AGBL1: variants seen among roughly 807,000 people sequenced by gnomAD.
AGBL1 encodes cytosolic carboxypeptidase 4.
Under a neutral mutation model 118.9 loss-of-function variants are expected in AGBL1, and 130 were observed. That is an observed-to-expected ratio of 1.09 (90% CI 0.95 to 1.26). The LOEUF (loss-of-function observed/expected upper bound fraction) is 1.26. Ranked by LOEUF, AGBL1 falls within the 50% of genes most tolerant of loss-of-function variation. AGBL1 has a pLI of 0.00. For synonymous variants in AGBL1, 555 were observed against 478.9 expected, an observed-to-expected ratio of 1.16 and a Z score of -2.08; for missense variants, 1,584 against 1,298.1, an observed-to-expected ratio of 1.22 and a Z score of -3.38.
chr15:86,212,960 T>C (rs1437283583), intron 5 of AGBL1, among the ~76,000 whole-genome samples: 1 of 152,214 alleles, frequency 6.6e-6, no homozygotes, highest in Non-Finnish European at 1.5e-5. Flanking sequence ...GACAGTTTTA[T>C]TGAAGTCTTC....
chr15:86,783,148 T>G (rs904499888), intron 22 of AGBL1, among the ~76,000 whole-genome samples: 3 of 152,214 alleles, frequency 2.0e-5, no homozygotes, highest in Admixed American at 1.3e-4. Context: ...CAAATGAAAT[T>G]GCTATTTTAA....
At chr15:86,181,396 G>A (rs2077551023) in intron 5 of AGBL1, among the ~76,000 whole-genome samples, 1 of 152,018 alleles carries the variant, frequency 6.6e-6, no homozygotes, top group Non-Finnish European at 1.5e-5. Context: ...TATGCTGAAT[G>A]AAAGATGCCA....
At chr15:86,360,220 C>T (rs755080615) in intron 17 of AGBL1, among the ~76,000 whole-genome samples, 1 of 150,576 alleles carries the variant, frequency 6.6e-6, no homozygotes, top group African/African-American at 2.4e-5. Flanking sequence ...CCTTGTATGT[C>T]TATTTTGTTG....
intron 21 of AGBL1, among the ~76,000 whole-genome samples, chr15:86,577,384 T>C (rs956222075): frequency 2.0e-5 from 3 of 152,090 alleles, no homozygotes; most frequent in African/African-American, 7.2e-5. Context: ...AAGAGGTGAC[T>C]TGGGTGCTGT....
intron 23 of AGBL1, among the ~76,000 whole-genome samples, chr15:86,940,805 A>G (rs940839872): frequency 6.6e-6 from 1 of 152,166 alleles, no homozygotes; most frequent in African/African-American, 2.4e-5. Flanking sequence ...ATGTTAGCCA[A>G]TCACTTTTCT....
At chr15:86,756,818 T>C (rs1170081719) in intron 22 of AGBL1, among the ~76,000 whole-genome samples, 6 of 152,046 alleles carry the variant, frequency 3.9e-5, no homozygotes, top group Non-Finnish European at 5.9e-5. Context: ...GTAAGTAGCT[T>C]AGAGTTTGTC....
chr15:86,873,988 T>C (rs571736485), intron 22 of AGBL1, among the ~76,000 whole-genome samples: 1 of 152,296 alleles, frequency 6.6e-6, no homozygotes, highest in Admixed American at 6.5e-5. Context: ...CTATTAAGCC[T>C]GTGAGTCATT....
chr15:86,722,628 A>T (rs1262981637), intron 22 of AGBL1, among the ~76,000 whole-genome samples: 9 of 152,228 alleles, frequency 5.9e-5, no homozygotes, highest in Non-Finnish European at 1.2e-4. Flanking sequence ...CACCAAAAGC[A>T]ATGGCAACAA....
chr15:86,868,579 G>T (rs2079671784), intron 22 of AGBL1, among the ~76,000 whole-genome samples: 1 of 152,192 alleles, frequency 6.6e-6, no homozygotes, highest in Admixed American at 6.5e-5. Context: ...AGAAATTAAT[G>T]CTTTAAAAAC....
intron 22 of AGBL1, among the ~76,000 whole-genome samples, chr15:86,759,701 C>T (rs945273168): frequency 6.6e-6 from 1 of 151,948 alleles, no homozygotes; most frequent in Admixed American, 6.6e-5. Context: ...TATGGAAGAA[C>T]ATTAAAATCT....
intron 5 of AGBL1, among the ~76,000 whole-genome samples, chr15:86,182,760 T>C (rs2077571384): frequency 6.6e-6 from 1 of 152,148 alleles, no homozygotes; most frequent in African/African-American, 2.4e-5. Context: ...GAGTTTGATA[T>C]AGATCTCTCC....
intron 18 of AGBL1, among the ~76,000 whole-genome samples, chr15:86,459,098 C>T (rs558501676): frequency 6.6e-6 from 1 of 152,146 alleles, no homozygotes; most frequent in Non-Finnish European, 1.5e-5. Flanking sequence ...TTCTGCTTCT[C>T]TCTGGCTTAT....
At position 86,784,826 on chromosome 15, in the gene AGBL1, A is replaced by G. The variant is rs1040606143; in HGVS notation, c.3158+110390A>G. Among the ~76,000 whole-genome samples, 25 of 152,168 alleles carry G rather than the reference A, an allele frequency of 1.6e-4. 1 individual carries two copies. Among genetic ancestry groups the G allele is most frequent in the Admixed American group, 1.1e-3 (17 of 15,278 alleles). ...CAAGGCATTAGGTTCTTTCTAGTTT[A>G]TAGCTCATTGGTGAAATGGAGTTTG... On this transcript the variant is annotated intron_variant, in intron 22 of 22. Coordinates refer to ENST00000614907, the MANE Select transcript of AGBL1 (RefSeq NM_001386094.1).
At chr15:86,509,041 A>G (rs1205107435) in intron 18 of AGBL1, among the ~76,000 whole-genome samples, 1 of 152,168 alleles carries the variant, frequency 6.6e-6, no homozygotes, top group African/African-American at 2.4e-5. Context: ...GTCATCTGAT[A>G]CTGAGAGTCT....
In AGBL1 at chr15:86,151,301, T is replaced by TA. The variant is rs199623183; in HGVS notation, c.263-3112dup. ...AGTACCCTAAAACTTAAAGTGTAATTAAAAAAAAAAAAAAAAAGCTTATCC... is the reference window on the plus strand; with the variant it reads ...AGTACCCTAAAACTTAAAGTGTAATTAAAAAAAAAAAAAAAAAAGCTTATCC... On this transcript the variant is annotated intron_variant, in intron 3 of 22. Coordinates refer to ENST00000614907, the MANE Select transcript of AGBL1 (RefSeq NM_001386094.1). Among the ~76,000 whole-genome samples the TA allele has an allele frequency of 4.3e-3, 555 of 128,708 alleles. 3 individuals are homozygous for TA. In the East Asian group the frequency reaches 0.072, roughly 17 times the overall value. The allele number at this position is 128,708 out of a possible 152,430, so 84.4% of individuals were successfully genotyped here.
chr15:86,811,501 T>A (rs1290410393), intron 22 of AGBL1, among the ~76,000 whole-genome samples: 1 of 152,170 alleles, frequency 6.6e-6, no homozygotes, highest in Non-Finnish European at 1.5e-5. Flanking sequence ...TGGACAAATA[T>A]ATTCCCAATG....
chr15:86,693,546 G>T (rs1048394128), intron 22 of AGBL1, among the ~76,000 whole-genome samples: 2 of 152,026 alleles, frequency 1.3e-5, no homozygotes, highest in South Asian at 4.1e-4. Flanking sequence ...CTCCCATTCT[G>T]TGTGCTCTCT....
chr15:86,130,815 A>AT (rs2141608432), intron 1 of AGBL1, among the ~76,000 whole-genome samples: 1 of 152,038 alleles, frequency 6.6e-6, no homozygotes, highest in African/African-American at 2.4e-5. Context: ...CAGCCATTTT[A>AT]TTTTTCTCAC....
intron 1 of AGBL1, among the ~76,000 whole-genome samples, chr15:86,105,860 C>G (rs12912576): frequency 0.86 from 131,629 of 152,246 alleles, 57,083 homozygotes; most frequent in Non-Finnish European, 0.91. Context: ...GTCTGTGAAA[C>G]TGAGTTAGTT....
Sources: gnomAD v4.1 joint callset for allele counts (sites outside exome capture counted in the v4.1 genomes callset) on GRCh38, gnomAD v4.1.1 for gene constraint, MANE v1.5 for transcripts, NCBI Gene and HGNC (gene_info 2026-07-23, HGNC 2026-07-21) for gene names.